MAP7: variants seen among roughly 807,000 people sequenced by gnomAD.
The protein encoded by MAP7 is ensconsin.
In MAP7, 52 loss-of-function variants were observed where a neutral mutation model predicts 94.8. The observed-to-expected ratio is 0.55, with a 90% CI of 0.44 to 0.69. MAP7 has a LOEUF of 0.69. Among genes scored for constraint, MAP7 ranks in the 30% least tolerant of loss-of-function variants. MAP7 has a pLI of 0.00. For synonymous variants in MAP7, 350 were observed against 357.0 expected, an observed-to-expected ratio of 0.98 and a Z score of 0.22; for missense variants, 940 against 964.6, an observed-to-expected ratio of 0.97 and a Z score of 0.34.
At chr6:136,394,968 A>C (rs182192865) in intron 3 of MAP7, among the ~76,000 whole-genome samples, 28 of 130,580 alleles carry the variant, frequency 2.1e-4, no homozygotes, top group African/African-American at 7.4e-4. Flanking sequence ...ATATATATAT[A>C]TATCACATTT....
intron 1 of MAP7, chr6:136,466,914 C>A: frequency 6.8e-7 from 1 of 1,475,778 alleles, no homozygotes; most frequent in South Asian, 1.4e-5. Flanking sequence ...TATTATCTCT[C>A]ACACAGCTTG....
intron 2 of MAP7, among the ~76,000 whole-genome samples, chr6:136,421,087 C>T (rs1182925532): frequency 6.6e-6 from 1 of 152,150 alleles, no homozygotes; most frequent in Non-Finnish European, 1.5e-5. Context: ...ACTGCACTGT[C>T]GGTTCAATTG....
intron 1 of MAP7, among the ~76,000 whole-genome samples, chr6:136,450,785 A>G (rs144231532): frequency 7.1e-6 from 1 of 140,388 alleles, no homozygotes; most frequent in East Asian, 2.6e-4. Context: ...ACTCCATCTC[A>G]AAAAAAAAAA....
At chr6:136,524,781 A>T (rs1374299723) in intron 1 of MAP7, among the ~76,000 whole-genome samples, 1 of 152,238 alleles carries the variant, frequency 6.6e-6, no homozygotes, top group East Asian at 1.9e-4. Flanking sequence ...GATTCTATTT[A>T]ACACTCTTCA....
chr6:136,356,615 A>T, intron 16 of MAP7, 77 bp downstream of exon 16: 1 of 1,165,732 alleles, frequency 8.6e-7, no homozygotes, highest in Non-Finnish European at 1.3e-6. Context: ...TCCTAATGTT[A>T]AGACTTTGAA....
At chr6:136,439,941 G>T (rs927671307) in intron 1 of MAP7, among the ~76,000 whole-genome samples, 1 of 152,144 alleles carries the variant, frequency 6.6e-6, no homozygotes, top group African/African-American at 2.4e-5. Flanking sequence ...TCTTTGAAGG[G>T]TAGTCTTAGG....
At chr6:136,345,807 G>T in intron 17 of MAP7, 49 bp downstream of exon 17, 1 of 1,421,190 alleles carries the variant, frequency 7.0e-7, no homozygotes, top group Non-Finnish European at 1.0e-6. Context: ...GTCCTCCTGG[G>T]TGTCAGATAT....
chr6:136,435,218 T>C (rs1001369803), intron 1 of MAP7, among the ~76,000 whole-genome samples: 1 of 152,148 alleles, frequency 6.6e-6, no homozygotes, highest in Non-Finnish European at 1.5e-5. Context: ...TACCTTCTCC[T>C]AGAAGAAGGA....
At chr6:136,520,199 CAA>C (rs61528866) in intron 1 of MAP7, among the ~76,000 whole-genome samples, 32 of 65,790 alleles carry the variant, frequency 4.9e-4, no homozygotes, top group South Asian at 5.6e-4. Flanking sequence ...GAGTTTGCCT[CAA>C]AAAAAAAAAA....
At chr6:136,499,819 G>T (rs750567878) in intron 1 of MAP7, among the ~76,000 whole-genome samples, 15 of 151,894 alleles carry the variant, frequency 9.9e-5, no homozygotes, top group Non-Finnish European at 1.9e-4. Context: ...GCCGACATAG[G>T]GAGCTCTCAT....
intron 1 of MAP7, among the ~76,000 whole-genome samples, chr6:136,513,590 C>T (rs948750850): frequency 6.6e-6 from 1 of 152,198 alleles, no homozygotes; most frequent in Non-Finnish European, 1.5e-5. Flanking sequence ...GGGTCAACTG[C>T]TTACAAACAC....
chr6:136,456,831 A>AG (rs766421161), intron 1 of MAP7, among the ~76,000 whole-genome samples: 9 of 121,160 alleles, frequency 7.4e-5, no homozygotes, highest in Non-Finnish European at 9.2e-5. Flanking sequence ...AGGAAGAAGA[A>AG]GAAGAAGAAG....
intron 16 of MAP7, among the ~76,000 whole-genome samples, chr6:136,351,275 A>G (rs1445842819): frequency 3.3e-5 from 5 of 152,184 alleles, no homozygotes; most frequent in East Asian, 1.9e-4. Flanking sequence ...AAAAAAGCCA[A>G]TAAAATGCTA....
At chr6:136,466,264 T>C (rs1807014473) in intron 1 of MAP7, among the ~76,000 whole-genome samples, 1 of 152,112 alleles carries the variant, frequency 6.6e-6, no homozygotes, top group South Asian at 2.1e-4. Context: ...CAAATACACC[T>C]CTCTAAATAG....
intron 1 of MAP7, among the ~76,000 whole-genome samples, chr6:136,498,385 C>A (rs896790861): frequency 3.3e-5 from 5 of 151,960 alleles, no homozygotes; most frequent in African/African-American, 1.2e-4. Flanking sequence ...CCAGGACCTG[C>A]CCGATTCATG....
At chr6:136,450,547 T>C (rs922565515) in intron 1 of MAP7, among the ~76,000 whole-genome samples, 3 of 152,082 alleles carry the variant, frequency 2.0e-5, no homozygotes, top group Non-Finnish European at 4.4e-5. Context: ...ACACTTTTTA[T>C]AGAAGGGCGG....
chr6:136,352,784 A>T (rs1199900840), intron 16 of MAP7, among the ~76,000 whole-genome samples: 1 of 152,230 alleles, frequency 6.6e-6, no homozygotes, highest in Non-Finnish European at 1.5e-5. Context: ...AAACAATGAC[A>T]TTCTCTAAAA....
intron 1 of MAP7, chr6:136,466,879 G>A: frequency 1.3e-6 from 2 of 1,525,262 alleles, no homozygotes; most frequent in South Asian, 2.4e-5. Context: ...AAATATCAGT[G>A]AAGGGGCCGT....
At chr6:136,399,774 T>C (rs549690887) in intron 3 of MAP7, among the ~76,000 whole-genome samples, 4 of 152,352 alleles carry the variant, frequency 2.6e-5, no homozygotes, top group African/African-American at 7.2e-5. Flanking sequence ...CTGACTGATA[T>C]ATGTGCTGAA....
Sources: allele counts gnomAD v4.1 joint callset (sites outside exome capture counted in the v4.1 genomes callset), GRCh38; gene constraint gnomAD v4.1.1; transcripts MANE v1.5; gene names NCBI Gene and HGNC (gene_info 2026-07-23, HGNC 2026-07-21).